The following SOX5 variants were observed in gnomAD, a reference collection of about 807,000 sequenced individuals.
SOX5 encodes transcription factor SOX-5.
SOX5 carries 9 observed loss-of-function variants against 92.0 expected under a neutral mutation model. That is an observed-to-expected ratio of 0.10 (90% CI 0.06 to 0.17). The LOEUF (loss-of-function observed/expected upper bound fraction) is 0.17. Ranked by LOEUF, SOX5 falls within the 10% of genes least tolerant of loss-of-function variation. The pLI is 1.00. For synonymous variants in SOX5, 344 were observed against 336.3 expected (o/e 1.02, Z -0.25); for missense variants, 642 against 944.5 (o/e 0.68, Z 4.20).
intron 4 of SOX5, among the ~76,000 whole-genome samples, chr12:24,204,654 T>C (rs1346385875): frequency 6.6e-5 from 10 of 152,138 alleles, no homozygotes; most frequent in African/African-American, 2.4e-4. Context: ...ATTGTTGATA[T>C]TGTGTCTTCA....
intron 8 of SOX5, among the ~76,000 whole-genome samples, chr12:23,606,704 T>C (rs971305749): frequency 6.6e-6 from 1 of 152,066 alleles, no homozygotes; most frequent in Non-Finnish European, 1.5e-5. Context: ...AAATAGTTTA[T>C]TGAATTAAAG....
At chr12:23,698,070 T>C (rs138898539) in intron 6 of SOX5, among the ~76,000 whole-genome samples, 7 of 152,330 alleles carry the variant, frequency 4.6e-5, no homozygotes, top group African/African-American at 1.7e-4. Context: ...ACAGTACAAC[T>C]GTTAAACTTA....
chr12:23,551,010 GA>G (rs1436755186), intron 11 of SOX5, among the ~76,000 whole-genome samples: 1 of 151,936 alleles, frequency 6.6e-6, no homozygotes, highest in Admixed American at 6.6e-5. Flanking sequence ...CTCTCCACCA[GA>G]CACACATACA....
At chr12:24,426,895 T>C (rs1966836945) in intron 1 of SOX5, among the ~76,000 whole-genome samples, 1 of 152,188 alleles carries the variant, frequency 6.6e-6, no homozygotes, top group Admixed American at 6.5e-5. Flanking sequence ...CTTTGATTCA[T>C]GCCTAAAAGT....
In SOX5 at chr12:24,331,774, G is replaced by GGGGGCAGA. The variant is rs566002118; in HGVS notation, c.-174+36781_-174+36788dup. Among the ~76,000 whole-genome samples, 435 of 143,070 alleles carry GGGGGCAGA rather than the reference G, an allele frequency of 3.0e-3. 3 individuals are homozygous for GGGGGCAGA. The highest frequency in any genetic ancestry group is 0.011 in the African/African-American group (414 of 38,486). 93.9% of individuals were successfully genotyped at this position (143,070 alleles called of 152,430 possible). ...GAGGCACGAGAATCCCTTGAGCCCA[G>GGGGGCAGA]GGGGCAGAGGTTGCACTGAGTTGAG... is the stretch of plus-strand genomic sequence containing the variant. On this transcript the variant is annotated intron_variant, in intron 2 of 4. Coordinates refer to the SOX5 transcript ENST00000446891.
At chr12:24,065,700 A>T (rs943693213) in intron 4 of SOX5, among the ~76,000 whole-genome samples, 15 of 151,958 alleles carry the variant, frequency 9.9e-5, no homozygotes, top group African/African-American at 3.4e-4. Context: ...AGAAATAATC[A>T]CTAAATGAGT....
intron 9 of SOX5, among the ~76,000 whole-genome samples, chr12:23,602,834 A>G (rs1038026029): frequency 6.6e-6 from 1 of 152,140 alleles, no homozygotes; most frequent in Non-Finnish European, 1.5e-5. Flanking sequence ...AATTAAATGT[A>G]TTTAAGAAAT....
intron 1 of SOX5, among the ~76,000 whole-genome samples, chr12:24,522,861 G>A (rs1191744050): frequency 1.3e-5 from 2 of 151,970 alleles, no homozygotes; most frequent in Non-Finnish European, 2.9e-5. Context: ...AAAAAGACAA[G>A]GATCCTCATT....
chr12:23,779,814 T>TACACACAC (rs1555337311), intron 3 of SOX5, among the ~76,000 whole-genome samples: 92 of 110,790 alleles, frequency 8.3e-4, no homozygotes, highest in African/African-American at 1.7e-3. Flanking sequence ...TATATATATA[T>TACACACAC]ACACACACAC....
chr12:24,174,437 T>C (rs893493536), intron 4 of SOX5, among the ~76,000 whole-genome samples: 17 of 152,126 alleles, frequency 1.1e-4, no homozygotes, highest in African/African-American at 1.7e-4. Context: ...CTTGGGGAGA[T>C]AGAAGGAGTC....
chr12:23,553,991 C>T (rs1393325021), intron 11 of SOX5, among the ~76,000 whole-genome samples: 1 of 152,050 alleles, frequency 6.6e-6, no homozygotes, highest in Non-Finnish European at 1.5e-5. Flanking sequence ...AGAGTCATGG[C>T]TTGGTTCAGA....
At chr12:24,147,572 TA>T (rs1167192592) in intron 4 of SOX5, among the ~76,000 whole-genome samples, 4 of 152,158 alleles carry the variant, frequency 2.6e-5, no homozygotes, top group African/African-American at 9.6e-5. Flanking sequence ...GGGAGTGCAA[TA>T]AAGCAAGAAT....
Position 24,212,499 on chromosome 12 carries a change from G to A in SOX5, c.-2+844C>T, listed in dbSNP as rs531517497. The A allele has an allele frequency of 1.9e-5, 10 of 533,154 alleles. No homozygotes were observed. In the Middle Eastern group the frequency reaches 1.3e-3, roughly 68 times the overall value. 33.0% of individuals were successfully genotyped at this position (533,154 alleles called of 1,614,324 possible). A position where few individuals can be genotyped will look rare whatever the true frequency, so the allele number is the denominator to read the frequency against. On this transcript the variant is annotated intron_variant, in intron 4 of 4. Transcript: ENST00000446891. ...GAGCTGTGGAAGCAGTAACACGGGA[G>A]GGGTTACAAGGAAGGAAGGATTACA...
intron 12 of SOX5, 126 bp from the exon 13 acceptor site, chr12:23,543,510 A>T: frequency 1.5e-6 from 1 of 659,400 alleles, no homozygotes; most frequent in Non-Finnish European, 2.6e-6. Flanking sequence ...TGGTACTTCC[A>T]GTTCTTAAGA....
intron 1 of SOX5, among the ~76,000 whole-genome samples, chr12:24,454,507 T>TA (rs923454588): frequency 6.4e-4 from 98 of 152,176 alleles, no homozygotes; most frequent in African/African-American, 1.6e-3. Context: ...TAAGGCATTT[T>TA]AAAAAAATAG....
chr12:24,283,566 T>C (rs1052977343), intron 2 of SOX5, among the ~76,000 whole-genome samples: 1 of 152,208 alleles, frequency 6.6e-6, no homozygotes, highest in Non-Finnish European at 1.5e-5. Flanking sequence ...TGGAAAAGTG[T>C]TATTGTTAAT....
intron 1 of SOX5, among the ~76,000 whole-genome samples, chr12:24,536,637 GA>G: frequency 6.6e-6 from 1 of 152,238 alleles, no homozygotes; most frequent in East Asian, 1.9e-4. Flanking sequence ...CCCTAATTAA[GA>G]TTCAGAAAAG....
chr12:24,492,782 T>C (rs1947221113), intron 1 of SOX5, among the ~76,000 whole-genome samples: 1 of 152,198 alleles, frequency 6.6e-6, no homozygotes, highest in Non-Finnish European at 1.5e-5. Flanking sequence ...GTGAAATAGT[T>C]TAGATTCATT....
chr12:23,851,206 A>C (rs2096630029), intron 2 of SOX5, among the ~76,000 whole-genome samples: 1 of 152,162 alleles, frequency 6.6e-6, no homozygotes, highest in Non-Finnish European at 1.5e-5. Flanking sequence ...AAAGAGATAC[A>C]TATTTTAGTT....
Sources: allele counts gnomAD v4.1 joint callset (sites outside exome capture counted in the v4.1 genomes callset), GRCh38; gene constraint gnomAD v4.1.1; transcripts MANE v1.5; gene names NCBI Gene and HGNC (gene_info 2026-07-23, HGNC 2026-07-21).